Variants in TET2 observed in about 807,000 individuals in gnomAD.
The protein encoded by TET2 is methylcytosine dioxygenase TET2.
Under a neutral mutation model 142.9 loss-of-function variants are expected in TET2, and 299 were observed. The ratio of observed to expected loss-of-function variants is 2.09; its 90% CI spans 1.90 to 2.30. TET2 has a LOEUF of 2.30. TET2 is among the 30% of genes most tolerant of loss of function. The pLI, the probability that TET2 is intolerant of heterozygous loss-of-function variation, is 0.00. For missense variants in TET2, 2,418 were observed against 2,378.0 expected (o/e 1.02, Z -0.35); for synonymous variants, 819 against 849.0 (o/e 0.96, Z 0.61).
chr4:105,242,480 A>T (rs1456362410), intron 4 of TET2: 1 of 1,104,486 alleles, frequency 9.1e-7, no homozygotes, highest in African/African-American at 1.6e-5. Context: ...TAAAATAGCT[A>T]AATTTAGTAA....
intron 6 of TET2, among the ~76,000 whole-genome samples, chr4:105,244,307 G>A (rs1729466642): frequency 6.6e-6 from 1 of 152,088 alleles, no homozygotes; most frequent in East Asian, 1.9e-4. Flanking sequence ...AATCAAAACT[G>A]CTTCTACTTT....
At chr4:105,153,046 T>G (rs917999986) in intron 1 of TET2, among the ~76,000 whole-genome samples, 6 of 152,174 alleles carry the variant, frequency 3.9e-5, no homozygotes, top group African/African-American at 1.4e-4. Flanking sequence ...AGCACAAAAG[T>G]GAATGGTTTT....
At chr4:105,204,124 G>A (rs1247491528) in intron 2 of TET2, among the ~76,000 whole-genome samples, 5 of 151,834 alleles carry the variant, frequency 3.3e-5, no homozygotes, top group Non-Finnish European at 7.4e-5. Flanking sequence ...TCTTGAACCC[G>A]GGAGGCGAGG....
At position 105,262,407 on chromosome 4, in the gene TET2, A is replaced by T. The variant is rs573757047; in HGVS notation, c.4044+559A>T. Among the ~76,000 whole-genome samples the T allele has an allele frequency of 3.3e-5, 5 of 152,204 alleles. No individual in the cohort carries two copies. The South Asian group carries it at 1.0e-3, about 32-fold the overall frequency. On this transcript the variant is annotated intron_variant, in intron 8 of 10. Coordinates refer to ENST00000380013, the MANE Select transcript of TET2 (RefSeq NM_001127208.3). ...TACATGTGTATTCTAAACTATAGCTAGTTAAGACAGGTAGATGATTTGGTC... is the reference window on the plus strand; with the variant it reads ...TACATGTGTATTCTAAACTATAGCTTGTTAAGACAGGTAGATGATTTGGTC...
At chr4:105,189,416 CTCTTTAGAT>C (rs1725654872) in intron 1 of TET2, among the ~76,000 whole-genome samples, 1 of 152,172 alleles carries the variant, frequency 6.6e-6, no homozygotes, top group African/African-American at 2.4e-5. Flanking sequence ...TTTATCAAAA[CTCTTTAGAT>C]TCTGTTTCAA....
intron 1 of TET2, among the ~76,000 whole-genome samples, chr4:105,188,378 G>T (rs368354226): frequency 2.0e-4 from 30 of 152,298 alleles, no homozygotes; most frequent in East Asian, 9.6e-4. Flanking sequence ...GAGCAAATGG[G>T]AAGTTATTGT....
At chr4:105,151,206 A>C (rs2110345658) in intron 1 of TET2, among the ~76,000 whole-genome samples, 1 of 152,218 alleles carries the variant, frequency 6.6e-6, no homozygotes, top group African/African-American at 2.4e-5. Context: ...CTGTAGTCCC[A>C]GCTACTCAGG....
At chr4:105,238,919 A>C (rs1729114614) in intron 3 of TET2, 1 of 241,036 alleles carries the variant, frequency 4.1e-6, no homozygotes, top group South Asian at 1.8e-4. Flanking sequence ...AAGACTTGAA[A>C]GTCAAAAGTA....
At chr4:105,201,998 TTCCC>T (rs1726507974) in intron 2 of TET2, among the ~76,000 whole-genome samples, 1 of 151,886 alleles carries the variant, frequency 6.6e-6, no homozygotes, top group African/African-American at 2.4e-5. Flanking sequence ...CTGCCTCGGC[TTCCC>T]AAAGTGCTGG....
chr4:105,229,881 TAG>T (rs1186233828), intron 2 of TET2, among the ~76,000 whole-genome samples: 2 of 152,092 alleles, frequency 1.3e-5, no homozygotes, highest in Non-Finnish European at 2.9e-5. Flanking sequence ...TCTGAAAATA[TAG>T]AGATACTAAT....
At chr4:105,211,239 C>T (rs1445028139) in intron 2 of TET2, among the ~76,000 whole-genome samples, 6 of 152,196 alleles carry the variant, frequency 3.9e-5, no homozygotes, top group Non-Finnish European at 7.3e-5. Flanking sequence ...CTTACCTGCT[C>T]TATCTAAATA....
chr4:105,196,309 C>T (rs997760196), intron 2 of TET2, among the ~76,000 whole-genome samples: 1 of 152,036 alleles, frequency 6.6e-6, no homozygotes, highest in Non-Finnish European at 1.5e-5. Flanking sequence ...AAGCTTCCCC[C>T]TCCCCACCTC....
chr4:105,260,349 G>A (rs1344043295), intron 7 of TET2, among the ~76,000 whole-genome samples: 5 of 151,822 alleles, frequency 3.3e-5, no homozygotes, highest in Admixed American at 3.3e-4. Flanking sequence ...CAACTTTTGG[G>A]TGGCATGTAG....
chr4:105,169,098 C>A (rs886608823), intron 1 of TET2, among the ~76,000 whole-genome samples: 2 of 152,054 alleles, frequency 1.3e-5, no homozygotes, highest in Admixed American at 6.5e-5. Flanking sequence ...GGGTAGATAC[C>A]CAGTAGTGGG....
chr4:105,269,161 G>A (rs1454637205), intron 8 of TET2, among the ~76,000 whole-genome samples: 1 of 152,054 alleles, frequency 6.6e-6, no homozygotes, highest in African/African-American at 2.4e-5. Context: ...TGAACAGTTG[G>A]AAAGCCATAA....
At chr4:105,224,929 G>A (rs1261684890) in intron 2 of TET2, among the ~76,000 whole-genome samples, 2 of 152,010 alleles carry the variant, frequency 1.3e-5, no homozygotes, top group Non-Finnish European at 2.9e-5. Flanking sequence ...AAGAACATTA[G>A]ATTATTGGAA....
chr4:105,205,095 T>G (rs1033917889), intron 2 of TET2, among the ~76,000 whole-genome samples: 4 of 152,156 alleles, frequency 2.6e-5, no homozygotes, highest in Non-Finnish European at 5.9e-5. Flanking sequence ...GCCAATGCAT[T>G]TTGAGAGGTG....
intron 1 of TET2, among the ~76,000 whole-genome samples, chr4:105,164,113 G>A (rs1216916670): frequency 6.6e-6 from 1 of 152,130 alleles, no homozygotes; most frequent in African/African-American, 2.4e-5. Flanking sequence ...TAGTCACCAT[G>A]CTGTACATTA....
In TET2 at chr4:105,276,788, C is replaced by A; in HGVS notation, c.*269C>A. ...GGGGAAGAAAGTGTTCCGCAATTTA[C>A]ATTTTTAAACACTGGTTCTATTATT... On this transcript the variant is annotated 3_prime_UTR_variant, in exon 11 of 11. Coordinates refer to ENST00000380013, the MANE Select transcript of TET2 (RefSeq NM_001127208.3). 4 of 342,694 alleles carry A rather than the reference C, an allele frequency of 1.2e-5. No individual in the cohort carries two copies. Among genetic ancestry groups the A allele is most frequent in the Non-Finnish European group, 2.2e-5 (4 of 185,034 alleles). The allele number at this position is 342,694 out of a possible 1,614,324, so 21.2% of individuals were successfully genotyped here.
Sources: allele counts gnomAD v4.1 joint callset (sites outside exome capture counted in the v4.1 genomes callset), GRCh38; gene constraint gnomAD v4.1.1; transcripts MANE v1.5; gene names NCBI Gene and HGNC (gene_info 2026-07-23, HGNC 2026-07-21).